The following ENTPD1 variants were observed in gnomAD, a reference collection of about 807,000 sequenced individuals.
ENTPD1 encodes ectonucleoside triphosphate diphosphohydrolase 1.
ENTPD1 carries 33 observed loss-of-function variants against 57.0 expected under a neutral mutation model. That is an observed-to-expected ratio of 0.58 (90% CI 0.44 to 0.77). The LOEUF is 0.77. ENTPD1 is among the 30% of genes least tolerant of loss of function. The pLI is 0.00. For synonymous variants in ENTPD1, 202 were observed against 218.8 expected (o/e 0.92, Z 0.68); for missense variants, 501 against 603.4 (o/e 0.83, Z 1.78).
intron 1 of ENTPD1, 35 bp downstream of exon 1, chr10:95,756,290 G>GA (rs752666017): frequency 0.017 from 20,784 of 1,251,582 alleles, no homozygotes; most frequent in South Asian, 0.018. Context: ...GAATCCTTAA[G>GA]AAAAAAAAAA....
intron 1 of ENTPD1, among the ~76,000 whole-genome samples, chr10:95,731,552 G>T (rs1385004979): frequency 6.6e-6 from 1 of 152,150 alleles, no homozygotes; most frequent in Admixed American, 6.5e-5. Context: ...ACCGGCCAGA[G>T]GTTCTGGATA....
At chr10:95,827,235 C>T (rs1322851321) in intron 2 of ENTPD1, among the ~76,000 whole-genome samples, 5 of 151,880 alleles carry the variant, frequency 3.3e-5, no homozygotes, top group East Asian at 1.9e-4. Flanking sequence ...GGGTGGATCA[C>T]GAGGTCAGGA....
upstream of ENTPD1, among the ~76,000 whole-genome samples, chr10:95,707,172 C>T (rs528903089): frequency 3.3e-5 from 5 of 152,216 alleles, no homozygotes; most frequent in East Asian, 1.9e-4. Context: ...AGCTGTTGGT[C>T]GTGGGGGCTG....
intron 1 of ENTPD1, among the ~76,000 whole-genome samples, chr10:95,772,219 G>A (rs71482377): frequency 0.11 from 16,098 of 152,232 alleles, 1,013 homozygotes; most frequent in Middle Eastern, 0.22. Flanking sequence ...GAAGGTTGGA[G>A]TGGCTGTGGC....
rs185266675 is a variant in ENTPD1 at position 95,737,879 on chromosome 10, T to G, written c.37+25886T>G. On this transcript the variant is annotated intron_variant, in intron 1 of 9. Transcript: ENST00000453258. ...ACCCTTATGATGGAACAACAGAAAA[T>G]CTATAACTATGATAGGTGGCCAAAT... Among the ~76,000 whole-genome samples the G allele has an allele frequency of 8.5e-4, 130 of 152,254 alleles. 1 individual carries two copies. The highest frequency in any genetic ancestry group is 9.4e-4 in the Non-Finnish European group (64 of 68,026).
At chr10:95,817,929 A>C (rs113654457) in intron 1 of ENTPD1, among the ~76,000 whole-genome samples, 188 of 152,360 alleles carry the variant, frequency 1.2e-3, no homozygotes, top group African/African-American at 4.0e-3. Context: ...GTGTTCAATA[A>C]GTAATTATTG....
In ENTPD1 at chr10:95,873,589, C is replaced by G. The variant is rs1199453414; in HGVS notation, c.*7206C>G. The stretch of plus-strand genomic sequence containing the variant: ...CTTTAAAAATGGTTTAGAAGTTTAG[C>G]TGGTTTCTTATTACTCCTGTCTATG... On this transcript the variant is annotated 3_prime_UTR_variant, in exon 10 of 10. Transcript: ENST00000371205. 57 of 985,330 alleles carry G rather than the reference C, an allele frequency of 5.8e-5. 1 individual carries two copies. Among genetic ancestry groups the G allele is most frequent in the Non-Finnish European group, 6.4e-5 (53 of 829,954 alleles). 61.0% of individuals were successfully genotyped at this position (985,330 alleles called of 1,614,324 possible).
At position 95,876,979 on chromosome 10, in the gene ENTPD1, G is replaced by A. The variant is rs971933500; in HGVS notation, c.*10596G>A. 3.3e-5 allele frequency among the ~76,000 whole-genome samples: 5 copies of A among 152,186 alleles called. No homozygotes were observed. Among genetic ancestry groups the A allele is most frequent in the Non-Finnish European group, 5.9e-5 (4 of 68,040 alleles). ...ATACAGACAGTGCATCCAGAGGAAG[G>A]CACCTTGCTGAATGACTAGAATGGA... On this transcript the variant is annotated 3_prime_UTR_variant, in exon 10 of 10. Coordinates refer to ENST00000371205, the MANE Select transcript of ENTPD1 (RefSeq NM_001776.6).
chr10:95,769,425 A>G (rs2098106001), intron 1 of ENTPD1, among the ~76,000 whole-genome samples: 1 of 152,276 alleles, frequency 6.6e-6, no homozygotes, highest in African/African-American at 2.4e-5. Context: ...CTGAGGAGAA[A>G]TTAAGTGTTT....
At position 95,731,781 on chromosome 10, in the gene ENTPD1, C is replaced by CTTTTTTTTTTTTTTTTTTTTTT. The variant is rs34841311; in HGVS notation, c.37+19809_37+19810insTTTTTTTTTTTTTTTTTTTTTT. Among the ~76,000 whole-genome samples, 89 of 79,176 alleles carry CTTTTTTTTTTTTTTTTTTTTTT rather than the reference C, an allele frequency of 1.1e-3. 15 individuals are homozygous for CTTTTTTTTTTTTTTTTTTTTTT. The highest frequency in any genetic ancestry group is 2.1e-3 in the East Asian group (7 of 3,338). 51.9% of individuals were successfully genotyped at this position (79,176 alleles called of 152,430 possible). On this transcript the variant is annotated intron_variant, in intron 1 of 9. Coordinates refer to the ENTPD1 transcript ENST00000453258. ...GGTAAGAATTAGAGGAGTGGACATC[C>CTTTTTTTTTTTTTTTTTTTTTT]TTTTTTTTTTTTTTTTTTTTTGACA...
In ENTPD1 at chr10:95,760,821, T is replaced by A. The variant is rs1165313743; in HGVS notation, c.16+4566T>A. On this transcript the variant is annotated intron_variant, in intron 1 of 9. Coordinates refer to ENST00000371205, the MANE Select transcript of ENTPD1 (RefSeq NM_001776.6). ...AATTACATAGAGTTTATTCTTTTTT[T>A]TTTTTTTTTTTTTTTTTTTTTTTTT... is the stretch of plus-strand genomic sequence containing the variant. Among the ~76,000 whole-genome samples the A allele has an allele frequency of 1.4e-4, 5 of 36,166 alleles. 1 individual carries two copies. The highest frequency in any genetic ancestry group is 7.5e-4 in the African/African-American group (5 of 6,640). The allele number at this position is 36,166 out of a possible 152,430, so 23.7% of individuals were successfully genotyped here. A position where few individuals can be genotyped will look rare whatever the true frequency, so the allele number is the denominator to read the frequency against.
At chr10:95,810,940 A>C (rs976350501) in intron 1 of ENTPD1, among the ~76,000 whole-genome samples, 5 of 152,336 alleles carry the variant, frequency 3.3e-5, no homozygotes, top group Middle Eastern at 3.4e-3. Context: ...ACATTTTGAC[A>C]GGAACTAGAT....
intron 2 of ENTPD1, among the ~76,000 whole-genome samples, chr10:95,827,675 G>A (rs555479768): frequency 2.0e-5 from 3 of 152,030 alleles, no homozygotes; most frequent in Admixed American, 6.5e-5. Flanking sequence ...GTAGAGACGG[G>A]GTTTCACCTT....
chr10:95,744,848 C>T (rs2098004335), intron 1 of ENTPD1, among the ~76,000 whole-genome samples: 2 of 152,128 alleles, frequency 1.3e-5, no homozygotes, highest in African/African-American at 4.8e-5. Context: ...CATGTATCCA[C>T]CATTACAGTA....
upstream of ENTPD1, chr10:95,755,921 A>C (rs2098021359): frequency 6.7e-7 from 1 of 1,498,934 alleles, no homozygotes; most frequent in African/African-American, 1.4e-5. Flanking sequence ...GAGAGAGGGA[A>C]GAAGGGAGAA....
At position 95,871,771 on chromosome 10, in the gene ENTPD1, T is replaced by C; in HGVS notation, c.*5388T>C. On this transcript the variant is annotated 3_prime_UTR_variant, in exon 10 of 10. Coordinates refer to ENST00000371205, the MANE Select transcript of ENTPD1 (RefSeq NM_001776.6). ...ATCAGCACTAGAGTTGACTTGTTTT[T>C]ATAACCCCTTTGCATGTATGTTGAA... The C allele has an allele frequency of 1.0e-6, 1 of 985,480 alleles. No individual in the cohort carries two copies. The highest frequency in any genetic ancestry group is 1.2e-6 in the Non-Finnish European group (1 of 829,936). 61.0% of individuals were successfully genotyped at this position (985,480 alleles called of 1,614,324 possible). A position where few individuals can be genotyped will look rare whatever the true frequency, so the allele number is the denominator to read the frequency against.
intron 1 of ENTPD1, among the ~76,000 whole-genome samples, chr10:95,801,415 A>C (rs2098248970): frequency 6.6e-6 from 1 of 152,116 alleles, no homozygotes; most frequent in South Asian, 2.1e-4. Context: ...TCTTATGCAT[A>C]TGTCTAGCCA....
rs778508464 is a variant in ENTPD1 at position 95,844,530 on chromosome 10, C to T, written c.468C>T (p.Leu156=). The T allele has an allele frequency of 1.9e-6, 3 of 1,614,094 alleles. No homozygotes were observed. Among genetic ancestry groups the T allele is most frequent in the African/African-American group, 2.7e-5 (2 of 74,936 alleles). ...TTCTGGATGTGGTGGAGAGGAGCCT[C>T]AGCAACTACCCCTTTGACTTCCAGG... is the stretch of plus-strand genomic sequence containing the variant. ...DRVLDVVERS[L]SNYPFDFQGA... Residue 156 remains leucine (L), a synonymous_variant, in exon 5 of 10, where the codon CTC becomes CTT. Transcript: ENST00000371205.
At position 95,770,238 on chromosome 10, in the gene ENTPD1, A is replaced by AGT. The variant is rs1432217796; in HGVS notation, c.16+13984_16+13985insTG. Among the ~76,000 whole-genome samples the AGT allele has an allele frequency of 1.2e-4, 12 of 99,732 alleles. No homozygotes were observed. The East Asian group carries it at 2.6e-3, about 22-fold the overall frequency. The allele number at this position is 99,732 out of a possible 152,430, so 65.4% of individuals were successfully genotyped here. On this transcript the variant is annotated intron_variant, in intron 1 of 9. Coordinates refer to ENST00000371205, the MANE Select transcript of ENTPD1 (RefSeq NM_001776.6). The stretch of plus-strand genomic sequence containing the variant: ...ACCGTCCAAGAAGATTGAGAGAGAG[A>AGT]GAGAGAGTGAGTGAGTGAGTGTGTG...
Sources: allele counts gnomAD v4.1 joint callset (sites outside exome capture counted in the v4.1 genomes callset), GRCh38; gene constraint gnomAD v4.1.1; transcripts MANE v1.5; gene names NCBI Gene and HGNC (gene_info 2026-07-23, HGNC 2026-07-21).